Variants in JAK2 observed in about 807,000 individuals in gnomAD.
JAK2 encodes the protein tyrosine-protein kinase JAK2.
Under a neutral mutation model 139.3 loss-of-function variants are expected in JAK2, and 86 were observed. The observed-to-expected ratio is 0.62, with a 90% CI of 0.52 to 0.74. JAK2 has a LOEUF of 0.74. JAK2 is among the 30% of genes least tolerant of loss of function. The probability of loss-of-function intolerance (pLI) is 0.00; values close to 1 mark genes in which losing one functional copy is unlikely to be tolerated. For synonymous variants in JAK2, 490 were observed against 437.7 expected, an observed-to-expected ratio of 1.12 and a Z score of -1.49; for missense variants, 1,421 against 1,360.3, an observed-to-expected ratio of 1.04 and a Z score of -0.70.
At chr9:5,090,716 A>G in intron 21 of JAK2, 23 bp from the exon 22 acceptor site, 1 of 1,568,914 alleles carries the variant, frequency 6.4e-7, no homozygotes. Flanking sequence ...AAACTAGCTG[A>G]AAGAAAAATG....
chr9:5,112,232 C>T (rs965559764), intron 22 of JAK2: 12 of 266,540 alleles, frequency 4.5e-5, no homozygotes, highest in African/African-American at 2.8e-4. Flanking sequence ...GCACGCAGGC[C>T]TGGTTGGAGG....
intron 2 of JAK2, among the ~76,000 whole-genome samples, 182 bp from the exon 3 acceptor site, chr9:5,021,781 C>T (rs560654426): frequency 3.9e-5 from 6 of 152,262 alleles, no homozygotes; most frequent in South Asian, 2.1e-4. Context: ...CGTGCTGCCA[C>T]GCCCAGCTAA....
intron 24 of JAK2, 66 bp downstream of exon 24, chr9:5,126,512 G>T: frequency 1.8e-6 from 2 of 1,140,020 alleles, no homozygotes; most frequent in Non-Finnish European, 2.6e-6. Context: ...AAGGACTTCA[G>T]TTCACTTCCT....
intron 8 of JAK2, among the ~76,000 whole-genome samples, 175 bp downstream of exon 8, chr9:5,055,963 A>G (rs890068200): frequency 2.6e-5 from 4 of 152,062 alleles, no homozygotes; most frequent in Admixed American, 2.0e-4. Context: ...TTGTATTACT[A>G]TCAACACCAT....
intron 4 of JAK2, among the ~76,000 whole-genome samples, chr9:5,042,124 C>CTTTTT (rs71326152): frequency 3.3e-4 from 35 of 107,608 alleles, no homozygotes; most frequent in Non-Finnish European, 4.3e-4. Flanking sequence ...GCCAAAATTT[C>CTTTTT]TTTTTTTTTT....
intron 8 of JAK2, among the ~76,000 whole-genome samples, chr9:5,062,829 A>G (rs1475155772): frequency 1.3e-5 from 2 of 152,170 alleles, no homozygotes; most frequent in South Asian, 2.1e-4. Flanking sequence ...AGATTGAGCA[A>G]TACCTCATGT....
At chr9:5,069,784 A>G (rs1260264985) in intron 11 of JAK2, 141 bp from the exon 12 acceptor site, 1 of 424,018 alleles carries the variant, frequency 2.4e-6, no homozygotes, top group South Asian at 9.4e-5. Flanking sequence ...CCCCTAAAAT[A>G]ATTTTCTATT....
At chr9:5,126,239 A>G in intron 23 of JAK2, 94 bp from the exon 24 acceptor site, 2 of 771,668 alleles carry the variant, frequency 2.6e-6, no homozygotes, top group East Asian at 2.6e-5. Context: ...AAGCACACAT[A>G]TACTAAATTT....
At chr9:5,035,069 G>C (rs113519436) in intron 4 of JAK2, among the ~76,000 whole-genome samples, 13,949 of 152,188 alleles carry the variant, frequency 0.092, 1,927 homozygotes, top group African/African-American at 0.3. Flanking sequence ...CGATCCCACA[G>C]AAATACAAAC....
intron 8 of JAK2, among the ~76,000 whole-genome samples, chr9:5,059,168 C>T (rs951939109): frequency 3.3e-5 from 5 of 152,066 alleles, no homozygotes; most frequent in African/African-American, 9.7e-5. Context: ...GCCACACCCA[C>T]CTCAAAAAAC....
chr9:5,094,784 A>G (rs1820856377), intron 22 of JAK2: 1 of 152,242 alleles, frequency 6.6e-6, no homozygotes, highest in African/African-American at 2.4e-5. Flanking sequence ...TGCCCTGACT[A>G]CTACTATTTT....
chr9:5,083,373 A>C (rs530027512), intron 19 of JAK2, among the ~76,000 whole-genome samples: 1 of 152,330 alleles, frequency 6.6e-6, no homozygotes, highest in East Asian at 1.9e-4. Context: ...TCTTTCTCGC[A>C]TAAGCTTGCT....
chr9:5,078,411 C>T lies in JAK2; in HGVS notation c.2098C>T (p.Pro700Ser), dbSNP rs2130591419. The T allele has an allele frequency of 6.2e-7, 1 of 1,612,890 alleles. No individual in the cohort carries two copies. The highest frequency in any genetic ancestry group is 2.2e-5 in the East Asian group (1 of 44,750). Residue 700 changes from proline to serine, a missense_variant, in exon 16 of 25, where the codon CCT becomes TCT. Transcript: ENST00000381652. ...TCCTCCTTTCATCAAACTTAGTGAT[C>T]CTGGCATTAGTATTACAGTTTTGCC... ...GNPPFIKLSDPGISITVLPKD... is the reference protein window; with the variant it reads ...GNPPFIKLSDSGISITVLPKD...
intron 6 of JAK2, among the ~76,000 whole-genome samples, chr9:5,053,962 A>C (rs911615855): frequency 6.6e-6 from 1 of 152,092 alleles, no homozygotes; most frequent in African/African-American, 2.4e-5. Context: ...GAAGCACAGA[A>C]ATAAATTACC....
chr9:5,095,069 T>C (rs939382448), intron 22 of JAK2: 1 of 152,180 alleles, frequency 6.6e-6, no homozygotes, highest in Non-Finnish European at 1.5e-5. Context: ...CAAGAGAGGT[T>C]AAAATCCTCT....
At chr9:5,103,772 A>C (rs1821722676) in intron 22 of JAK2, among the ~76,000 whole-genome samples, 1 of 152,148 alleles carries the variant, frequency 6.6e-6, no homozygotes, top group South Asian at 2.1e-4. Flanking sequence ...CTCACTCAAA[A>C]CCGCACAACT....
intron 2 of JAK2, among the ~76,000 whole-genome samples, chr9:4,992,119 C>A (rs1820291407): frequency 6.6e-6 from 1 of 152,172 alleles, no homozygotes; most frequent in Non-Finnish European, 1.5e-5. Flanking sequence ...CCAGGGGTGA[C>A]TTGAAGGCAA....
intron 22 of JAK2, chr9:5,113,627 C>T (rs114538726): frequency 0.018 from 2,947 of 160,994 alleles, 122 homozygotes; most frequent in African/African-American, 0.068. Flanking sequence ...CTCCATGAAC[C>T]TGGGCTGCCT....
chr9:5,023,288 C>T (rs556225700), intron 3 of JAK2, among the ~76,000 whole-genome samples: 2 of 152,276 alleles, frequency 1.3e-5, no homozygotes, highest in South Asian at 4.2e-4. Flanking sequence ...TTATTTCACT[C>T]GACATAATGA....
Sources: gnomAD v4.1 joint callset for allele counts (sites outside exome capture counted in the v4.1 genomes callset) on GRCh38, gnomAD v4.1.1 for gene constraint, MANE v1.5 for transcripts, NCBI Gene and HGNC (gene_info 2026-07-23, HGNC 2026-07-21) for gene names.